The following FAM163B variants were observed in gnomAD, a reference collection of about 807,000 sequenced individuals.
The protein encoded by FAM163B is protein FAM163B.
FAM163B carries 4 observed loss-of-function variants against 7.6 expected under a neutral mutation model. The ratio of observed to expected loss-of-function variants is 0.52; its 90% CI spans 0.26 to 1.20. The LOEUF (loss-of-function observed/expected upper bound fraction) is 1.20. FAM163B is among the 50% of genes most tolerant of loss of function. The pLI, the probability that FAM163B is intolerant of heterozygous loss-of-function variation, is 0.14. For missense variants in FAM163B, 250 were observed against 243.0 expected (o/e 1.03, Z -0.19); for synonymous variants, 120 against 111.6 (o/e 1.07, Z -0.47).
chr9:133,594,640 G>A (rs763216219), intron 1 of FAM163B, among the ~76,000 whole-genome samples: 7 of 152,146 alleles, frequency 4.6e-5, no homozygotes, highest in Non-Finnish European at 5.9e-5. Flanking sequence ...ACTGCATCCT[G>A]GGCCCAGCTT....
chr9:133,595,989 G>T (rs1831626335), intron 1 of FAM163B, among the ~76,000 whole-genome samples: 2 of 152,312 alleles, frequency 1.3e-5, no homozygotes, highest in South Asian at 4.1e-4. Context: ...GGCCAGGAGA[G>T]TAACTGGACT....
In FAM163B at chr9:133,600,015, C is replaced by T. The variant is rs1231234325; in HGVS notation, c.-24+9062G>A. Among the ~76,000 whole-genome samples, 1 of 130,890 alleles carries T rather than the reference C, an allele frequency of 7.6e-6. No individual in the cohort carries two copies. Among genetic ancestry groups the T allele is most frequent in the African/African-American group, 3.0e-5 (1 of 33,298 alleles). 85.9% of individuals were successfully genotyped at this position (130,890 alleles called of 152,430 possible). On this transcript the variant is annotated intron_variant, in intron 1 of 2. Coordinates refer to ENST00000673969, the MANE Select transcript of FAM163B (RefSeq NM_001080515.3). The surrounding 1 kb of genome is among the most constrained non-coding windows in gnomAD (Gnocchi z 4.9). ...CGAATGTGTGTGTGTGGCCTGTGTG[C>T]ATTTGTGTGCATGTATGTGTGGTCT...
intron 1 of FAM163B, among the ~76,000 whole-genome samples, chr9:133,597,821 G>A (rs1030842973): frequency 6.6e-6 from 1 of 152,064 alleles, no homozygotes. Flanking sequence ...AGGAGACAAT[G>A]GAGTGGTGCC....
chr9:133,578,262 G>A lies in FAM163B; in HGVS notation c.*760C>T, dbSNP rs997425118. ...GAGCACTGGGTCTATACATTTCCAC[G>A]TTGCCTCTCCCACGGCAGGGGGACT... On this transcript the variant is annotated 3_prime_UTR_variant, in exon 3 of 3. Coordinates refer to ENST00000673969, the MANE Select transcript of FAM163B (RefSeq NM_001080515.3). Among the ~76,000 whole-genome samples, 7 of 152,228 alleles carry A rather than the reference G, an allele frequency of 4.6e-5. No homozygotes were observed. The highest frequency in any genetic ancestry group is 4.1e-4 in the South Asian group (2 of 4,824).
At position 133,578,770 on chromosome 9, in the gene FAM163B, G is replaced by C; in HGVS notation, c.*252C>G. The stretch of plus-strand genomic sequence containing the variant: ...TGAGAGCCCTGGTGCATGCCCAGCC[G>C]GCTGTATGGTCACCTGGTCCTTCTA... On this transcript the variant is annotated 3_prime_UTR_variant, in exon 3 of 3. Transcript: ENST00000673969. 3.5e-6 allele frequency: 2 copies of C among 572,542 alleles called. No individual in the cohort carries two copies. The highest frequency in any genetic ancestry group is 4.6e-5 in the South Asian group (1 of 21,744). 35.5% of individuals were successfully genotyped at this position (572,542 alleles called of 1,614,324 possible). A position where few individuals can be genotyped will look rare whatever the true frequency, so the allele number is the denominator to read the frequency against.
chr9:133,578,750 GC>G lies in FAM163B; in HGVS notation c.*271del. On this transcript the variant is annotated 3_prime_UTR_variant, in exon 3 of 3. Transcript: ENST00000673969. ...GTAACGGTGGCCTCTGTGCCTGAGA[GC>G]CCTGGTGCATGCCCAGCCGGCTGTA... is the stretch of plus-strand genomic sequence containing the variant. 2.0e-6 allele frequency: 1 copy of G among 503,524 alleles called. No homozygotes were observed. The highest frequency in any genetic ancestry group is 3.3e-6 in the Non-Finnish European group (1 of 301,436). 31.2% of individuals were successfully genotyped at this position (503,524 alleles called of 1,614,324 possible). A position where few individuals can be genotyped will look rare whatever the true frequency, so the allele number is the denominator to read the frequency against.
chr9:133,593,602 A>G (rs1179598232), intron 1 of FAM163B, among the ~76,000 whole-genome samples: 1 of 152,182 alleles, frequency 6.6e-6, no homozygotes, highest in Non-Finnish European at 1.5e-5. Flanking sequence ...GACTCTCCCC[A>G]TTAGCATCAG....
chr9:133,586,273 T>A (rs1831436714), intron 1 of FAM163B: 1 of 152,318 alleles, frequency 6.6e-6, no homozygotes. Context: ...CCAGCTCAGC[T>A]GCGGGGGGAA....
At chr9:133,581,320 G>A (rs11515896) in intron 1 of FAM163B, among the ~76,000 whole-genome samples, 79,263 of 152,036 alleles carry the variant, frequency 0.52, 21,974 homozygotes, top group African/African-American at 0.67. Flanking sequence ...ACCTCTCACA[G>A]AGCAGTGGGA....
intron 1 of FAM163B, among the ~76,000 whole-genome samples, chr9:133,594,178 T>C (rs530861473): frequency 6.6e-5 from 10 of 152,234 alleles, no homozygotes; most frequent in Non-Finnish European, 1.3e-4. Context: ...AGGTTTCCTT[T>C]ACAGCGCATT....
At chr9:133,607,433 G>A (rs1368994544) in intron 1 of FAM163B, among the ~76,000 whole-genome samples, 1 of 152,200 alleles carries the variant, frequency 6.6e-6, no homozygotes. Flanking sequence ...CCTACCTGCT[G>A]GAGAGGCGAG....
Position 133,580,158 on chromosome 9 carries a change from G to A in FAM163B, c.66C>T (p.Ile22=), listed in dbSNP as rs1487691685. 1.9e-5 allele frequency: 30 copies of A among 1,612,922 alleles called. No homozygotes were observed. The highest frequency in any genetic ancestry group is 2.5e-5 in the Non-Finnish European group (30 of 1,180,022). Residue 22 remains isoleucine, a synonymous_variant, in exon 2 of 3, where the codon ATC becomes ATT. Coordinates refer to ENST00000673969, the MANE Select transcript of FAM163B (RefSeq NM_001080515.3). ...ILATVILLCI[I]AVLCYCRLQY... ...GGAGCCGGCAGTAGCACAGAACAGC[G>A]ATGATGCAGAGCAAAATCACAGTCG...
In FAM163B at chr9:133,577,296, C is replaced by G. The variant is rs1310152576; in HGVS notation, c.*1726G>C. 2.6e-5 allele frequency among the ~76,000 whole-genome samples: 4 copies of G among 151,340 alleles called. No homozygotes were observed. Among genetic ancestry groups the G allele is most frequent in the Admixed American group, 1.3e-4 (2 of 15,244 alleles). On this transcript the variant is annotated 3_prime_UTR_variant, in exon 3 of 3. Transcript: ENST00000673969. ...TCCCCACCCCACCCAGCCCACCCCC[C>G]ACGCCAACGCATCAGAAACAGACTT...
intron 1 of FAM163B, among the ~76,000 whole-genome samples, chr9:133,599,659 C>T (rs1588332932): frequency 6.7e-6 from 1 of 148,502 alleles, no homozygotes; most frequent in Non-Finnish European, 1.5e-5. Context: ...TTAGTTGTGT[C>T]TGTGTATATG....
rs1229466360 is a variant in FAM163B, at chr9:133,606,614, G to A, written c.-24+2463C>T. ...GGGGATGCGGAATGATGCACCCGTG[G>A]TCTGGCCTGGAAACCACTCTCTCTG... On this transcript the variant is annotated intron_variant, in intron 1 of 2. Coordinates refer to ENST00000673969, the MANE Select transcript of FAM163B (RefSeq NM_001080515.3). The surrounding 1 kb of genome is among the most constrained non-coding windows in gnomAD (Gnocchi z 4.0). Among the ~76,000 whole-genome samples, 2 of 152,212 alleles carry A rather than the reference G, an allele frequency of 1.3e-5. No individual in the cohort carries two copies. The highest frequency in any genetic ancestry group is 2.9e-5 in the Non-Finnish European group (2 of 68,040).
Position 133,600,319 on chromosome 9 carries a change from C to T in FAM163B, c.-24+8758G>A, listed in dbSNP as rs2131259880. Reference sequence around the variant, plus strand: ...TGTAGTGCTGAGAGTGGATGAAGAGCAGCATGCAGGTGCAAAGGTAGAGTC... The same window carrying T: ...TGTAGTGCTGAGAGTGGATGAAGAGTAGCATGCAGGTGCAAAGGTAGAGTC... On this transcript the variant is annotated intron_variant, in intron 1 of 2. Coordinates refer to ENST00000673969, the MANE Select transcript of FAM163B (RefSeq NM_001080515.3). This position sits in a 1 kb window ranked among gnomAD's most constrained non-coding sequence, Gnocchi z 4.9. Among the ~76,000 whole-genome samples the T allele has an allele frequency of 6.6e-6, 1 of 151,468 alleles. No individual in the cohort carries two copies. Among genetic ancestry groups the T allele is most frequent in the Admixed American group, 6.6e-5 (1 of 15,200 alleles).
Position 133,578,729 on chromosome 9 carries a change from C to T in FAM163B, c.*293G>A, listed in dbSNP as rs535877253. ...TCTGAGACAGAATCATCAGGAGTAA[C>T]GGTGGCCTCTGTGCCTGAGAGCCCT... On this transcript the variant is annotated 3_prime_UTR_variant, in exon 3 of 3. Coordinates refer to ENST00000673969, the MANE Select transcript of FAM163B (RefSeq NM_001080515.3). 1,774 of 436,454 alleles carry T rather than the reference C, an allele frequency of 4.1e-3. 6 individuals carry two copies. Among genetic ancestry groups the T allele is most frequent in the Middle Eastern group, 0.014 (23 of 1,666 alleles). 27.0% of individuals were successfully genotyped at this position (436,454 alleles called of 1,614,324 possible).
At chr9:133,584,311 C>T (rs1436796362) in intron 1 of FAM163B, among the ~76,000 whole-genome samples, 1 of 152,180 alleles carries the variant, frequency 6.6e-6, no homozygotes, top group African/African-American at 2.4e-5. Flanking sequence ...TGCGGGGCCT[C>T]TGTCCTGCTC....
At chr9:133,599,883 G>A (rs539082665) in intron 1 of FAM163B, among the ~76,000 whole-genome samples, 6 of 150,390 alleles carry the variant, frequency 4.0e-5, no homozygotes, top group African/African-American at 7.3e-5. Flanking sequence ...CTGTGTGCAT[G>A]CATATGCATG....
Sources: gnomAD v4.1 joint callset for allele counts (sites outside exome capture counted in the v4.1 genomes callset) on GRCh38, gnomAD v4.1.1 for gene constraint, Gnocchi (gnomAD v3.1) non-coding constraint, MANE v1.5 for transcripts, NCBI Gene and HGNC (gene_info 2026-07-23, HGNC 2026-07-21) for gene names.